Variants in CAGE1 observed in about 807,000 individuals in gnomAD.
CAGE1 encodes the protein cancer antigen 1, also known as cancer-associated gene 1 protein.
In CAGE1, 66 loss-of-function variants were observed where a neutral mutation model predicts 94.9. The ratio of observed to expected loss-of-function variants is 0.70; its 90% CI spans 0.57 to 0.85. The LOEUF (loss-of-function observed/expected upper bound fraction) is 0.85. CAGE1 is among the 40% of genes least tolerant of loss of function. The probability of loss-of-function intolerance (pLI) is 0.00; values close to 1 mark genes in which losing one functional copy is unlikely to be tolerated. For missense variants in CAGE1, 865 were observed against 950.4 expected, an observed-to-expected ratio of 0.91 and a Z score of 1.18; for synonymous variants, 319 against 321.0, an observed-to-expected ratio of 0.99 and a Z score of 0.07.
chr6:7,372,977 T>C, intron 5 of CAGE1, 96 bp downstream of exon 5: 3 of 876,516 alleles, frequency 3.4e-6, no homozygotes, highest in Non-Finnish European at 3.4e-6. Flanking sequence ...TAATTCTTTC[T>C]GCAAACAAAT....
intron 11 of CAGE1, among the ~76,000 whole-genome samples, chr6:7,344,607 C>T (rs187512870): frequency 9.2e-5 from 14 of 152,086 alleles, no homozygotes; most frequent in East Asian, 1.9e-4. Flanking sequence ...TGCGGGCGTA[C>T]GGCCCGAGAC....
At chr6:7,334,184 TA>T in intron 11 of CAGE1, 94 bp from the exon 12 acceptor site, 2 of 695,664 alleles carry the variant, frequency 2.9e-6, no homozygotes, top group Admixed American at 2.8e-5. Context: ...TAGGTAAAAA[TA>T]GGTAATCTAA....
chr6:7,347,805 A>G (rs1759617892), intron 11 of CAGE1, among the ~76,000 whole-genome samples: 1 of 151,860 alleles, frequency 6.6e-6, no homozygotes, highest in Non-Finnish European at 1.5e-5. Context: ...GCTTTCCCCC[A>G]CTTCCCGAAC....
At chr6:7,386,323 C>T (rs1042947973) in intron 2 of CAGE1, among the ~76,000 whole-genome samples, 28 of 152,164 alleles carry the variant, frequency 1.8e-4, no homozygotes, top group African/African-American at 6.3e-4. Context: ...GACTATCAAA[C>T]GTTTAGCACA....
At chr6:7,355,873 C>T (rs1191861175) in intron 10 of CAGE1, among the ~76,000 whole-genome samples, 152 bp downstream of exon 10, 1 of 152,146 alleles carries the variant, frequency 6.6e-6, no homozygotes, top group Non-Finnish European at 1.5e-5. Context: ...AATGGTGGCA[C>T]ATGCCTATAA....
At chr6:7,360,196 CT>C (rs1202991900) in intron 9 of CAGE1, among the ~76,000 whole-genome samples, 2 of 152,170 alleles carry the variant, frequency 1.3e-5, no homozygotes, top group Admixed American at 1.3e-4. Flanking sequence ...TAATGTACCC[CT>C]GAATCTCAAG....
At chr6:7,358,139 T>C (rs1488774123) in intron 9 of CAGE1, among the ~76,000 whole-genome samples, 1 of 145,962 alleles carries the variant, frequency 6.9e-6, no homozygotes, top group Non-Finnish European at 1.5e-5. Flanking sequence ...CAAAGTTTCT[T>C]CTTGCCACTC....
chr6:7,345,831 A>G (rs1380768934), intron 11 of CAGE1, among the ~76,000 whole-genome samples: 2 of 152,010 alleles, frequency 1.3e-5, no homozygotes, highest in East Asian at 1.9e-4. Context: ...AGGCTGAGGC[A>G]GGAGAATGGT....
At chr6:7,337,837 CT>C (rs1759017242) in intron 11 of CAGE1, among the ~76,000 whole-genome samples, 1 of 152,152 alleles carries the variant, frequency 6.6e-6, no homozygotes, top group African/African-American at 2.4e-5. Context: ...TATTCTATGC[CT>C]TTTGAATTTC....
chr6:7,372,116 G>A (rs1292578602), intron 5 of CAGE1, among the ~76,000 whole-genome samples: 1 of 152,124 alleles, frequency 6.6e-6, no homozygotes, highest in East Asian at 1.9e-4. Context: ...AACCAAACAT[G>A]CAATTATATT....
intron 11 of CAGE1, 33 bp downstream of exon 11, chr6:7,355,008 T>C: frequency 2.7e-6 from 4 of 1,498,900 alleles, no homozygotes; most frequent in Non-Finnish European, 3.7e-6. Context: ...TAGTAAATAT[T>C]CACAAAATTA....
In CAGE1 at chr6:7,339,152, A is replaced by G. The variant is rs1759076079; in HGVS notation, c.2370-5062T>C. 1 of 1,530,454 alleles carries G rather than the reference A, an allele frequency of 6.5e-7. No homozygotes were observed. Among genetic ancestry groups the G allele is most frequent in the Admixed American group, 1.7e-5 (1 of 59,950 alleles). 94.8% of individuals were successfully genotyped at this position (1,530,454 alleles called of 1,614,324 possible). On this transcript the variant is annotated intron_variant, in intron 11 of 13. Coordinates refer to ENST00000502583, the MANE Select transcript of CAGE1 (RefSeq NM_001170692.2). The surrounding 1 kb of genome is among the most constrained non-coding windows in gnomAD (Gnocchi z 4.7). ...TAGCTCTCTGTCCTCAGAGTTTCCC[A>G]GACACCACGACCTCACAGCCTTTGG...
At chr6:7,376,682 G>A (rs7770179) in intron 4 of CAGE1, among the ~76,000 whole-genome samples, 67,311 of 151,918 alleles carry the variant, frequency 0.44, 15,459 homozygotes, top group African/African-American at 0.57. Flanking sequence ...TTCATCTGCT[G>A]TACCCCTCCT....
intron 11 of CAGE1, chr6:7,338,822 C>T (rs1230664425): frequency 2.0e-6 from 2 of 1,005,134 alleles, no homozygotes; most frequent in East Asian, 4.8e-5. Flanking sequence ...CAGAATACAG[C>T]TGCCAAGGAG....
chr6:7,375,069 A>T (rs181015576), intron 4 of CAGE1, among the ~76,000 whole-genome samples: 5 of 151,320 alleles, frequency 3.3e-5, no homozygotes, highest in East Asian at 2.0e-4. Flanking sequence ...AAATAAAAAT[A>T]AAAAAAGACA....
chr6:7,331,548 T>G (rs1219124136), intron 12 of CAGE1: 2 of 379,544 alleles, frequency 5.3e-6, no homozygotes, highest in Admixed American at 7.2e-5. Context: ...CTCTTTGGTT[T>G]AGCTGAGACA....
Position 7,373,265 on chromosome 6 carries a change from A to T in CAGE1, c.1554T>A (p.Asn518Lys), listed in dbSNP as rs762792875. 6.2e-7 allele frequency: 1 copy of T among 1,602,958 alleles called. No individual in the cohort carries two copies. The highest frequency in any genetic ancestry group is 1.1e-5 in the South Asian group (1 of 89,902). ...RLEKLLTQVR[N>K]LQFMSENERT... ...TTTCATTTTCAGACATAAATTGCAA[A>T]TTTCTAACTTGAGTGAGCAATTTCT... Residue 518 changes from asparagine (N) to lysine (K), a missense_variant, in exon 5 of 14, where the codon AAT becomes AAA. Coordinates refer to ENST00000502583, the MANE Select transcript of CAGE1 (RefSeq NM_001170692.2).
At position 7,373,135 on chromosome 6, in the gene CAGE1, T is replaced by A. The variant is rs1480219198; in HGVS notation, c.1684A>T (p.Lys562Ter). 6.2e-7 allele frequency: 1 copy of A among 1,613,284 alleles called. No individual in the cohort carries two copies. Among genetic ancestry groups the A allele is most frequent in the African/African-American group, 1.3e-5 (1 of 74,906 alleles). Reference sequence around the variant, plus strand: ...TCCTTTAACTGAGCTGTCTCAAATTTAGGGACATAATTTTGCTCTTCACTC... The same window carrying A: ...TCCTTTAACTGAGCTGTCTCAAATTAAGGGACATAATTTTGCTCTTCACTC... ...ARSEEQNYVP[K>*]FETAQLKDQL... The change falls in exon 5 of 14, where the codon AAA becomes TAA. Residue 562 changes from lysine to a stop codon, truncating the protein, a stop_gained. Coordinates refer to ENST00000502583, the MANE Select transcript of CAGE1 (RefSeq NM_001170692.2). LOFTEE classifies it high-confidence loss of function.
In CAGE1 at chr6:7,365,842, T is replaced by A; in HGVS notation, c.2047A>T (p.Ile683Phe). 6.5e-7 allele frequency: 1 copy of A among 1,540,860 alleles called. No individual in the cohort carries two copies. Among genetic ancestry groups the A allele is most frequent in the South Asian group, 1.2e-5 (1 of 82,764 alleles). ...KDRITTFREL[I>F]AKEKAFQDHA... ...TCTTGAAATGCTTTTTCCTTAGCAA[T>A]TAACTCTCTAAAGGTTGTGATTCTA... Residue 683 changes from isoleucine to phenylalanine, a missense_variant, in exon 8 of 14, where the codon ATT (isoleucine) becomes TTT (phenylalanine). Coordinates refer to ENST00000502583, the MANE Select transcript of CAGE1 (RefSeq NM_001170692.2).
Sources: allele counts gnomAD v4.1 joint callset (sites outside exome capture counted in the v4.1 genomes callset), GRCh38; gene constraint gnomAD v4.1.1; non-coding constraint Gnocchi (gnomAD v3.1); transcripts MANE v1.5; gene names NCBI Gene and HGNC (gene_info 2026-07-23, HGNC 2026-07-21).